Variants in NRG1 observed in about 807,000 individuals in gnomAD.
NRG1 encodes the protein neuregulin 1.
NRG1 carries 18 observed loss-of-function variants against 63.8 expected under a neutral mutation model. The observed-to-expected ratio is 0.28, with a 90% CI of 0.19 to 0.42. The LOEUF (loss-of-function observed/expected upper bound fraction) is 0.42. Among genes scored for constraint, NRG1 ranks in the 10% least tolerant of loss-of-function variants. The pLI is 1.00. For missense variants in NRG1, 762 were observed against 814.7 expected (o/e 0.94, Z 0.79); for synonymous variants, 302 against 301.3 (o/e 1.00, Z -0.02).
At chr8:31,873,673 GC>G (rs1173771003) in intron 1 of NRG1, among the ~76,000 whole-genome samples, 8 of 152,218 alleles carry the variant, frequency 5.3e-5, no homozygotes, top group African/African-American at 1.9e-4. Flanking sequence ...GGGTCTGAAT[GC>G]CTATAAAAGA....
intron 1 of NRG1, among the ~76,000 whole-genome samples, chr8:31,672,236 GT>G (rs930485924): frequency 2.1e-4 from 32 of 151,810 alleles, no homozygotes; most frequent in Non-Finnish European, 4.1e-4. Flanking sequence ...TTTGTGAAGA[GT>G]TTTTTTTCCA....
chr8:32,672,809 T>C (rs974714566), intron 5 of NRG1, among the ~76,000 whole-genome samples: 1 of 152,228 alleles, frequency 6.6e-6, no homozygotes, highest in African/African-American at 2.4e-5. Context: ...GTTGTTATGT[T>C]CTCTGAGGCA....
chr8:31,705,269 A>C (rs1341704547), intron 1 of NRG1, among the ~76,000 whole-genome samples: 1 of 152,106 alleles, frequency 6.6e-6, no homozygotes, highest in Non-Finnish European at 1.5e-5. Context: ...GATGGTCTCC[A>C]TCTCCTGACC....
intron 1 of NRG1, among the ~76,000 whole-genome samples, chr8:31,875,346 C>T (rs1403465424): frequency 6.6e-6 from 1 of 152,132 alleles, no homozygotes; most frequent in Non-Finnish European, 1.5e-5. Context: ...GGCAGGGAGT[C>T]TGGCTTGAGA....
intron 1 of NRG1, among the ~76,000 whole-genome samples, chr8:32,192,330 A>C (rs550165437): frequency 6.6e-6 from 1 of 152,318 alleles, no homozygotes; most frequent in South Asian, 2.1e-4. Flanking sequence ...TAACAAAGAC[A>C]TGAAATCCAC....
intron 1 of NRG1, among the ~76,000 whole-genome samples, chr8:31,662,592 T>G (rs752255595): frequency 7.9e-5 from 12 of 152,126 alleles, no homozygotes; most frequent in Non-Finnish European, 1.5e-4. Context: ...CCAGGAACTG[T>G]TTGTGTGAGA....
At chr8:32,655,255 T>G (rs76497192) in intron 5 of NRG1, among the ~76,000 whole-genome samples, 2 of 152,104 alleles carry the variant, frequency 1.3e-5, no homozygotes, top group Non-Finnish European at 2.9e-5. Flanking sequence ...ATGAAAAACT[T>G]TGAAGGAAGT....
intron 2 of NRG1, among the ~76,000 whole-genome samples, chr8:32,602,891 C>T (rs987655776): frequency 6.6e-6 from 1 of 152,050 alleles, no homozygotes; most frequent in Non-Finnish European, 1.5e-5. Context: ...AAAAATCATA[C>T]GGTATTTGAA....
intron 1 of NRG1, among the ~76,000 whole-genome samples, chr8:32,535,524 C>A (rs961898473): frequency 6.6e-6 from 1 of 152,130 alleles, no homozygotes; most frequent in Non-Finnish European, 1.5e-5. Context: ...AGAAAAAAAG[C>A]CACAACTCTT....
At chr8:32,491,244 A>G (rs1203220253) in intron 1 of NRG1, among the ~76,000 whole-genome samples, 5 of 152,210 alleles carry the variant, frequency 3.3e-5, no homozygotes, top group Admixed American at 2.6e-4. Context: ...AGTTTCTTAG[A>G]TTAGTACTAT....
intron 1 of NRG1, among the ~76,000 whole-genome samples, chr8:32,582,840 AG>A (rs1840905899): frequency 6.6e-6 from 1 of 152,216 alleles, no homozygotes; most frequent in Non-Finnish European, 1.5e-5. Flanking sequence ...TCATGCTTCA[AG>A]GTTTTCTGAG....
chr8:32,222,819 A>G (rs1339604054), intron 1 of NRG1, among the ~76,000 whole-genome samples: 1 of 152,224 alleles, frequency 6.6e-6, no homozygotes, highest in Non-Finnish European at 1.5e-5. Context: ...TATATTGATC[A>G]AAATGGCTGG....
intron 1 of NRG1, among the ~76,000 whole-genome samples, chr8:32,487,893 C>T (rs180689928): frequency 9.3e-4 from 141 of 152,312 alleles, no homozygotes; most frequent in Non-Finnish European, 1.9e-3. Flanking sequence ...AATTTACATG[C>T]AGCCTTCAGT....
intron 1 of NRG1, among the ~76,000 whole-genome samples, chr8:32,188,560 G>A (rs1374473112): frequency 3.9e-5 from 6 of 152,176 alleles, no homozygotes; most frequent in African/African-American, 1.4e-4. Flanking sequence ...GATCATCCTG[G>A]TTTATCCATG....
At chr8:32,201,661 A>C (rs781147294) in intron 1 of NRG1, among the ~76,000 whole-genome samples, 1 of 152,200 alleles carries the variant, frequency 6.6e-6, no homozygotes, top group African/African-American at 2.4e-5. Context: ...TTAACTCCTA[A>C]AATCTGAGTC....
intron 1 of NRG1, among the ~76,000 whole-genome samples, chr8:31,854,605 A>G (rs1403791039): frequency 2.0e-5 from 3 of 150,528 alleles, no homozygotes; most frequent in Admixed American, 6.6e-5. Context: ...TTGTGTCTCT[A>G]TTTCCTTCAG....
intron 1 of NRG1, among the ~76,000 whole-genome samples, chr8:32,323,881 T>TC (rs11432742): frequency 0.095 from 14,514 of 152,246 alleles, 968 homozygotes; most frequent in African/African-American, 0.18. Flanking sequence ...TAGTGTGGAA[T>TC]CAGTAACAAA....
intron 1 of NRG1, among the ~76,000 whole-genome samples, chr8:32,388,766 C>A (rs917058401): frequency 6.6e-6 from 1 of 151,634 alleles, no homozygotes; most frequent in Non-Finnish European, 1.5e-5. Context: ...CTCATAATGA[C>A]CTGTAGGTGA....
chr8:32,238,761 G>A (rs182959685), intron 1 of NRG1, among the ~76,000 whole-genome samples: 113 of 152,186 alleles, frequency 7.4e-4, no homozygotes, highest in African/African-American at 2.6e-3. Context: ...CTTTTAATTA[G>A]TTTGTAATTT....
Sources: allele counts gnomAD v4.1 joint callset (sites outside exome capture counted in the v4.1 genomes callset), GRCh38; gene constraint gnomAD v4.1.1; transcripts MANE v1.5; gene names NCBI Gene and HGNC (gene_info 2026-07-23, HGNC 2026-07-21).